The following LILRB2 variants were observed in gnomAD, a reference collection of about 807,000 sequenced individuals.
The protein encoded by LILRB2 is leukocyte immunoglobulin-like receptor subfamily B member 2.
LILRB2 carries 47 observed loss-of-function variants against 72.7 expected under a neutral mutation model. The observed-to-expected ratio is 0.65, with a 90% CI of 0.51 to 0.82. The LOEUF (loss-of-function observed/expected upper bound fraction) is 0.82. Ranked by LOEUF, LILRB2 falls within the 40% of genes least tolerant of loss-of-function variation. LILRB2 has a pLI of 0.00. For synonymous variants in LILRB2, 279 were observed against 313.7 expected, an observed-to-expected ratio of 0.89 and a Z score of 1.17; for missense variants, 767 against 764.8, an observed-to-expected ratio of 1.00 and a Z score of -0.03.
chr19:54,277,790 C>T, intron 8 of LILRB2, 99 bp downstream of exon 8: 1 of 1,334,628 alleles, frequency 7.5e-7, no homozygotes, highest in Non-Finnish European at 1.1e-6. Flanking sequence ...GACAGAAGCC[C>T]TTGATTGAGT....
Position 54,278,280 on chromosome 19 carries a change from G to C in LILRB2, c.1238C>G (p.Pro413Arg), listed in dbSNP as rs767079734. The C allele has an allele frequency of 6.2e-7, 1 of 1,614,212 alleles. No homozygotes were observed. The highest frequency in any genetic ancestry group is 8.5e-7 in the Non-Finnish European group (1 of 1,180,026). Residue 413 changes from proline to arginine, a missense_variant, in exon 7 of 14, where the codon CCC (proline) becomes CGC (arginine). Pro to Arg is a moderately radical substitution (Grantham distance 103). This residue lies in a region of LILRB2 where 599 missense variants were observed against 568.2 expected (regional missense o/e 1.05). Coordinates refer to ENST00000314446, the MANE Select transcript of LILRB2 (RefSeq NM_001080978.4). ...CCCACCTGAGACCACGAGCTCCAGG[G>C]GCTCACTGGGGTGAGACAGCAGGTA... The part of the protein sequence containing the change: ...DPYLLSHPSE[P>R]LELVVSGPSM...
At chr19:54,280,795 T>C (rs2080513265) in intron 1 of LILRB2, 166 bp downstream of exon 1, 1 of 734,848 alleles carries the variant, frequency 1.4e-6, no homozygotes, top group Non-Finnish European at 2.3e-6. Context: ...TGGTTTCTCC[T>C]CGTCTCACCG....
chr19:54,277,370 A>C, intron 9 of LILRB2, 180 bp downstream of exon 9: 1 of 1,209,996 alleles, frequency 8.3e-7, no homozygotes, highest in South Asian at 1.4e-5. Context: ...GCTGGGAGTG[A>C]GAGCTGAAAG....
chr19:54,277,649 T>A, intron 8 of LILRB2, 52 bp from the exon 9 acceptor site: 1 of 1,537,182 alleles, frequency 6.5e-7, no homozygotes, highest in Non-Finnish European at 8.8e-7. Flanking sequence ...GCTCCCCACA[T>A]CAGCCCGGCT....
At position 54,274,755 on chromosome 19, in the gene LILRB2, A is replaced by G. The variant is rs140296823; in HGVS notation, c.1722T>C (p.Thr574=). 105 of 1,607,704 alleles carry G rather than the reference A, an allele frequency of 6.5e-5. No individual in the cohort carries two copies. The African/African-American group carries it at 1.1e-3, about 17-fold the overall frequency. The part of the protein sequence containing the change: ...LHSLTLRRKA[T]EPPPSQEREP... ...CCCTTTCCTGGGATGGAGGAGGCTC[A>G]GTTGCCTTCCGTCTGAGGGTCAAGC... Residue 574 remains threonine (T), a synonymous_variant, in exon 14 of 14, where the codon ACT becomes ACC. Coordinates refer to ENST00000314446, the MANE Select transcript of LILRB2 (RefSeq NM_001080978.4).
At position 54,279,330 on chromosome 19, in the gene LILRB2, C is replaced by T. The variant is rs774397128; in HGVS notation, c.658+15G>A. On this transcript the variant is annotated intron_variant, in intron 5 of 13. Transcript: ENST00000314446. ...GAGACTCAGGGAACTCCAGACAATG[C>T]TGTGAATTTCTCACCTGGGACCAGG... is the stretch of plus-strand genomic sequence containing the variant. 5 of 1,605,222 alleles carry T rather than the reference C, an allele frequency of 3.1e-6. No homozygotes were observed. The highest frequency in any genetic ancestry group is 2.7e-5 in the African/African-American group (2 of 74,716).
rs372099514 is a variant in LILRB2, at chr19:54,274,325, G to GT, written c.*357dup. The GT allele has an allele frequency of 0.095, 18,192 of 192,014 alleles. 807 individuals are homozygous for GT. Among genetic ancestry groups the GT allele is most frequent in the Non-Finnish European group, 0.1 (9,853 of 96,930 alleles). The allele number at this position is 192,014 out of a possible 1,614,324, so 11.9% of individuals were successfully genotyped here. On this transcript the variant is annotated 3_prime_UTR_variant, in exon 14 of 14. Coordinates refer to ENST00000314446, the MANE Select transcript of LILRB2 (RefSeq NM_001080978.4). ...GAAAGCCAACGTCATTCATTTCCTA[G>GT]TTTTTTTTTTTCGTTTCTACTTTTT...
chr19:54,276,650 G>A, intron 10 of LILRB2, 157 bp downstream of exon 10: 2 of 1,453,244 alleles, frequency 1.4e-6, no homozygotes, highest in Non-Finnish European at 1.9e-6. Context: ...CTTTATATTT[G>A]TAGATGGGAC....
intron 13 of LILRB2, chr19:54,275,388 T>C: frequency 3.9e-6 from 2 of 508,410 alleles, no homozygotes; most frequent in South Asian, 3.9e-5. Context: ...TCCAGGCTTC[T>C]CAGATGACAG....
Position 54,274,491 on chromosome 19 carries a change from T to TA in LILRB2, c.*191dup, listed in dbSNP as rs917979948. ...TTATTGAGAAGTCTGTTGCTTTAATTAAAAAATGTAGGGATATTAGTTATT... is the reference window on the plus strand; with the variant it reads ...TTATTGAGAAGTCTGTTGCTTTAATTAAAAAAATGTAGGGATATTAGTTATT... On this transcript the variant is annotated 3_prime_UTR_variant, in exon 14 of 14. Coordinates refer to ENST00000314446, the MANE Select transcript of LILRB2 (RefSeq NM_001080978.4). 2 of 1,073,414 alleles carry TA rather than the reference T, an allele frequency of 1.9e-6. No individual in the cohort carries two copies. The highest frequency in any genetic ancestry group is 1.6e-5 in the African/African-American group (1 of 62,408). 66.5% of individuals were successfully genotyped at this position (1,073,414 alleles called of 1,614,324 possible). A position where few individuals can be genotyped will look rare whatever the true frequency, so the allele number is the denominator to read the frequency against.
chr19:54,280,070 T>C lies in LILRB2; in HGVS notation c.76A>G (p.Ile26Val), dbSNP rs2080478580. 6.2e-7 allele frequency: 1 copy of C among 1,613,730 alleles called. No individual in the cohort carries two copies. The highest frequency in any genetic ancestry group is 1.3e-5 in the African/African-American group (1 of 74,982). The stretch of plus-strand genomic sequence containing the variant: ...TCAGCCCACAGGGTGGGCTTGGGGA[T>C]GGTCCCTGGAAGGAAATCAAAGGTC... ...GPRTRVQTGT[I>V]PKPTLWAEPD... Residue 26 changes from isoleucine (I) to valine (V), a missense_variant, in exon 4 of 14, where the codon ATC becomes GTC. Physicochemically the swap from Ile to Val is conservative, Grantham distance 29. Transcript: ENST00000314446.
chr19:54,278,876 G>A lies in LILRB2; in HGVS notation c.891C>T (p.Tyr297=), dbSNP rs10404685. Residue 297 remains tyrosine (Y), a synonymous_variant, in exon 6 of 14, where the codon TAC becomes TAT. Coordinates refer to ENST00000314446, the MANE Select transcript of LILRB2 (RefSeq NM_001080978.4). Reference sequence around the variant, plus strand: ...ACTCAGAGGAGAGGTTGTGTGCACCGTAGCATCTGTACTGGCCCCCGTAGG... The same window carrying A: ...ACTCAGAGGAGAGGTTGTGTGCACCATAGCATCTGTACTGGCCCCCGTAGG... ...SRSYGGQYRC[Y]GAHNLSSECS... The A allele has an allele frequency of 0.023, 37,361 of 1,595,718 alleles. 2,062 individuals are homozygous for A. The African/African-American group carries it at 0.24, about 10-fold the overall frequency.
intron 7 of LILRB2, 69 bp downstream of exon 7, chr19:54,278,191 G>A: frequency 6.9e-6 from 11 of 1,587,926 alleles, no homozygotes; most frequent in Non-Finnish European, 9.5e-6. Flanking sequence ...TCCCAGCCCA[G>A]AGCTCTCCTG....
rs1317578308 is a variant in LILRB2 at position 54,278,450 on chromosome 19, C to A, written c.1068G>T (p.Leu356=). 7 of 1,614,050 alleles carry A rather than the reference C, an allele frequency of 4.3e-6. No individual in the cohort carries two copies. The African/African-American group carries it at 6.7e-5, about 15-fold the overall frequency. ...GGGCATCAGCTGCTCCCGCCTTGGT[C>A]AGAAGGAAAGTGTGGAACTGCCGCC... ...QSWRQFHTFL[L]TKAGAADAPL... is the part of the protein sequence containing the mutation. Residue 356 remains leucine, a synonymous_variant, in exon 7 of 14, where the codon CTG becomes CTT. Transcript: ENST00000314446.
intron 9 of LILRB2, 137 bp from the exon 10 acceptor site, chr19:54,277,066 C>T (rs2080266769): frequency 6.6e-7 from 1 of 1,515,922 alleles, no homozygotes; most frequent in Non-Finnish European, 9.0e-7. Context: ...TCCACCCCAC[C>T]CACTCTACAG....
intron 13 of LILRB2, chr19:54,275,704 G>A (rs1372881717): frequency 9.3e-6 from 6 of 643,978 alleles, no homozygotes; most frequent in Non-Finnish European, 1.8e-5. Context: ...AGAGGCCTGG[G>A]GAGCGCTCTA....
intron 13 of LILRB2, 148 bp from the exon 14 acceptor site, chr19:54,274,977 G>A (rs1349641849): frequency 6.2e-7 from 1 of 1,610,054 alleles, no homozygotes; most frequent in Non-Finnish European, 8.5e-7. Flanking sequence ...CGGACAGTGG[G>A]GAGGGAGGAG....
Position 54,276,388 on chromosome 19 carries a change from G to C in LILRB2, c.1549C>G (p.Gln517Glu). The change falls in exon 11 of 14, where the codon CAG becomes GAG. Residue 517 changes from glutamine (Q) to glutamate (E), a missense_variant. Physicochemically the swap from Gln to Glu is conservative, Grantham distance 29 (BLOSUM62 2). Around this residue, in one of 3 missense-constraint regions of LILRB2, gnomAD observed 162 missense variants for 176.7 expected, o/e 0.92. Transcript: ENST00000314446. ...GTCTTCGGGCAGAATTACCTCCACT[G>C]CAGGCCTCTGTCTGTGGGCTCTGGC... ...VGPEPTDRGL[Q>E]WRSSPAADAQ... 1 of 1,604,328 alleles carries C rather than the reference G, an allele frequency of 6.2e-7. No homozygotes were observed. The highest frequency in any genetic ancestry group is 1.1e-5 in the South Asian group (1 of 90,906).
At chr19:54,274,872 G>A (rs371305315) in intron 13 of LILRB2, 43 bp from the exon 14 acceptor site, 6 of 1,326,826 alleles carry the variant, frequency 4.5e-6, no homozygotes, top group Non-Finnish European at 3.2e-6. Context: ...TGGTGGGGGT[G>A]GGGGAGGCCT....
Sources: allele counts gnomAD v4.1 joint callset, GRCh38; gene constraint gnomAD v4.1.1; regional missense constraint gnomAD v4.1.1; transcripts MANE v1.5; gene names NCBI Gene and HGNC (gene_info 2026-07-23, HGNC 2026-07-21).